ATMIN: variants seen among roughly 807,000 people sequenced by gnomAD.
ATMIN encodes ATM INteracting protein.
A neutral mutation model predicts 49.2 loss-of-function variants in ATMIN; 24 were observed. That is an observed-to-expected ratio of 0.49 (90% confidence interval 0.35 to 0.69). The LOEUF is 0.69. Ranked by LOEUF, ATMIN falls within the 30% of genes least tolerant of loss-of-function variation. The pLI is 0.00. For missense variants in ATMIN, 1,037 were observed against 1,005.5 expected (o/e 1.03, Z -0.42); for synonymous variants, 450 against 392.5 (o/e 1.15, Z -1.73).
rs772143735 is a variant in ATMIN, at chr16:81,043,757, C to A, written c.1259C>A (p.Ala420Asp). 6.2e-7 allele frequency: 1 copy of A among 1,614,232 alleles called. No individual in the cohort carries two copies. Among genetic ancestry groups the A allele is most frequent in the Admixed American group, 1.7e-5 (1 of 60,024 alleles). ...SINVQTDLSY[A>D]SQNFIPSAQW... ...AACGTGCAGACAGATCTGTCTTATGCCTCACAAAACTTTATACCTTCTGCA... is the reference window on the plus strand; with the variant it reads ...AACGTGCAGACAGATCTGTCTTATGACTCACAAAACTTTATACCTTCTGCA... Residue 420 changes from alanine to aspartate, a missense_variant, in exon 4 of 4, where the codon GCC becomes GAC. By Grantham distance (126) the Ala-to-Asp change is moderately radical. Transcript: ENST00000299575.
chr16:81,043,687 C>A lies in ATMIN; in HGVS notation c.1189C>A (p.Gln397Lys), dbSNP rs563397275. 6.2e-7 allele frequency: 1 copy of A among 1,614,188 alleles called. No individual in the cohort carries two copies. The highest frequency in any genetic ancestry group is 2.2e-5 in the East Asian group (1 of 44,890). ...NFGKSPSNPLQELGNTCQKNS... is the reference protein window; with the variant it reads ...NFGKSPSNPLKELGNTCQKNS... Reference sequence around the variant, plus strand: ...TGGTAAAAGTCCATCTAATCCTTTACAAGAACTAGGGAACACGTGTCAAAA... The same window carrying A: ...TGGTAAAAGTCCATCTAATCCTTTAAAAGAACTAGGGAACACGTGTCAAAA... The change falls in exon 4 of 4, where the codon CAA becomes AAA. Residue 397 changes from glutamine to lysine, a missense_variant. Gln to Lys is a moderately conservative substitution (Grantham distance 53). Transcript: ENST00000299575.
rs780635569 is a variant in ATMIN, at chr16:81,043,190, A to G, written c.692A>G (p.Glu231Gly). The G allele has an allele frequency of 1.2e-6, 2 of 1,606,986 alleles. No individual in the cohort carries two copies. Among genetic ancestry groups the G allele is most frequent in the East Asian group, 2.2e-5 (1 of 44,840 alleles). ...RDPPSKKRKM[E>G]NCAQNQKLSN... ...CCACCTAGTAAGAAAAGGAAAATGG[A>G]AAACTGTGCACAAAACCAGAAGTTA... is the stretch of plus-strand genomic sequence containing the variant. Residue 231 changes from glutamate to glycine, a missense_variant, in exon 4 of 4, where the codon GAA (glutamate) becomes GGA (glycine). Transcript: ENST00000299575.
intron 2 of ATMIN, 41 bp from the exon 3 acceptor site, chr16:81,042,240 G>C: frequency 6.4e-7 from 1 of 1,573,764 alleles, no homozygotes; most frequent in Non-Finnish European, 8.7e-7. Context: ...GTTTTGACCA[G>C]TTGCTGTTTT....
rs780925334 is a variant in ATMIN, at chr16:81,043,965, C to T, written c.1467C>T (p.Val489=). 8.7e-6 allele frequency: 14 copies of T among 1,614,034 alleles called. No homozygotes were observed. In the African/African-American group the frequency reaches 1.1e-4, roughly 12 times the overall value. ...ACACCTGTTTCCAGTCAGGTGGGGT[C>T]TCCAGAGAAACTCAAACCAGTGGGA... ...FMDTCFQSGG[V]SRETQTSGIE... Residue 489 remains valine, a synonymous_variant, in exon 4 of 4, where the codon GTC becomes GTT. Transcript: ENST00000299575.
At position 81,035,854 on chromosome 16, in the gene ATMIN, G is replaced by C. The variant is rs1249617980; in HGVS notation, c.-17G>C. On this transcript the variant is annotated 5_prime_UTR_variant, in exon 1 of 4. Transcript: ENST00000299575. ...GGGCGGGGCCTACGAACTGGGCCGG[G>C]CGGCCGTGCGGGAGCCATGGCGGCC... 1 of 813,274 alleles carries C rather than the reference G, an allele frequency of 1.2e-6. No individual in the cohort carries two copies. The highest frequency in any genetic ancestry group is 6.3e-5 in the Admixed American group (1 of 15,814). The allele number at this position is 813,274 out of a possible 1,614,324, so 50.4% of individuals were successfully genotyped here. A position where few individuals can be genotyped will look rare whatever the true frequency, so the allele number is the denominator to read the frequency against.
Position 81,035,919 on chromosome 16 carries a change from G to A in ATMIN, c.49G>A (p.Ala17Thr). ...AAAAGSAALA[A>T]GARAVPAATT... ...GGCGGCGGGGTCCGCGGCTCTGGCG[G>A]CGGGTGCCCGGGCCGTCCCGGCGGC... is the stretch of plus-strand genomic sequence containing the variant. Residue 17 changes from alanine to threonine, a missense_variant, in exon 1 of 4, where the codon GCG becomes ACG. Physicochemically the swap from Ala to Thr is moderately conservative, Grantham distance 58. Coordinates refer to ENST00000299575, the MANE Select transcript of ATMIN (RefSeq NM_015251.3). 2 of 988,766 alleles carry A rather than the reference G, an allele frequency of 2.0e-6. No homozygotes were observed. Among genetic ancestry groups the A allele is most frequent in the Non-Finnish European group, 2.4e-6 (2 of 833,504 alleles). The allele number at this position is 988,766 out of a possible 1,614,324, so 61.2% of individuals were successfully genotyped here. A position where few individuals can be genotyped will look rare whatever the true frequency, so the allele number is the denominator to read the frequency against.
Position 81,036,140 on chromosome 16 carries a change from C to T in ATMIN, c.270C>T (p.Gly90=). 1 of 1,466,142 alleles carries T rather than the reference C, an allele frequency of 6.8e-7. No individual in the cohort carries two copies. The highest frequency in any genetic ancestry group is 9.1e-7 in the Non-Finnish European group (1 of 1,101,326). The allele number at this position is 1,466,142 out of a possible 1,614,324, so 90.8% of individuals were successfully genotyped here. ...VRTNILCTVR[G]CGKILPNSPA... ...CCAACATCCTGTGCACCGTGCGCGG[C>T]TGCGGCAAGATCCTGCCCAACAGCC... Residue 90 remains glycine (G), a synonymous_variant, in exon 1 of 4, where the codon GGC becomes GGT. Coordinates refer to ENST00000299575, the MANE Select transcript of ATMIN (RefSeq NM_015251.3).
In ATMIN at chr16:81,044,380, C is replaced by A. The variant is rs1424757329; in HGVS notation, c.1882C>A (p.Pro628Thr). The part of the protein sequence containing the change: ...PGPDTQLPSG[P>T]AQNPGIDFDI... ...ACCTGACACCCAGCTCCCATCTGGC[C>A]CAGCCCAGAACCCCGGAATCGATTT... The change falls in exon 4 of 4, where the codon CCA becomes ACA. Residue 628 changes from proline (P) to threonine (T), a missense_variant. Coordinates refer to ENST00000299575, the MANE Select transcript of ATMIN (RefSeq NM_015251.3). 1.2e-6 allele frequency: 2 copies of A among 1,614,040 alleles called. No homozygotes were observed. Among genetic ancestry groups the A allele is most frequent in the Non-Finnish European group, 1.7e-6 (2 of 1,179,992 alleles).
intron 1 of ATMIN, among the ~76,000 whole-genome samples, chr16:81,037,657 A>G (rs1283901433): frequency 6.6e-6 from 1 of 151,942 alleles, no homozygotes; most frequent in Non-Finnish European, 1.5e-5. Flanking sequence ...TGTTTTTGAG[A>G]CAGAGTCTCA....
At position 81,043,221 on chromosome 16, in the gene ATMIN, C is replaced by T; in HGVS notation, c.723C>T (p.Asn241=). The T allele has an allele frequency of 6.2e-7, 1 of 1,613,910 alleles. No homozygotes were observed. The highest frequency in any genetic ancestry group is 1.7e-5 in the Admixed American group (1 of 59,964). Residue 241 remains asparagine (N), a synonymous_variant, in exon 4 of 4, where the codon AAC becomes AAT. Coordinates refer to ENST00000299575, the MANE Select transcript of ATMIN (RefSeq NM_015251.3). ...GTGCACAAAACCAGAAGTTATCCAA[C>T]AAGACCATTGAATCATTGAACAACC... is the stretch of plus-strand genomic sequence containing the variant. ...ENCAQNQKLS[N]KTIESLNNQP...
At chr16:81,037,584 T>C (rs1482983187) in intron 1 of ATMIN, 1 of 767,892 alleles carries the variant, frequency 1.3e-6, no homozygotes, top group East Asian at 1.3e-4. Flanking sequence ...ACCTGTTGTT[T>C]TGTTTTCATA....
intron 1 of ATMIN, chr16:81,037,558 C>A: frequency 1.1e-6 from 1 of 895,706 alleles, no homozygotes; most frequent in Middle Eastern, 5.7e-4. Context: ...AAGTGTAACT[C>A]TGGGAATGGC....
Position 81,044,168 on chromosome 16 carries a change from A to G in ATMIN, c.1670A>G (p.Gln557Arg). ...LPQNEPKTLN[Q>R]DIEKSAPIIN... ...CAGAATGAGCCTAAGACTTTAAATC[A>G]AGATATTGAGAAATCTGCACCAATT... Residue 557 changes from glutamine (Q) to arginine (R), a missense_variant, in exon 4 of 4, where the codon CAA (glutamine) becomes CGA (arginine). Physicochemically the swap from Gln to Arg is conservative, Grantham distance 43 (BLOSUM62 1). Transcript: ENST00000299575. The G allele has an allele frequency of 1.2e-6, 2 of 1,614,226 alleles. No individual in the cohort carries two copies. Among genetic ancestry groups the G allele is most frequent in the South Asian group, 2.2e-5 (2 of 91,088 alleles).
In ATMIN at chr16:81,045,738, G is replaced by A. The variant is rs946989900; in HGVS notation, c.*768G>A. On this transcript the variant is annotated 3_prime_UTR_variant, in exon 4 of 4. Coordinates refer to ENST00000299575, the MANE Select transcript of ATMIN (RefSeq NM_015251.3). ...TACCCCTGTAATCCCAGCACTTTGG[G>A]AGGCCAAAGCAGGACGATCACTTGA... 6.6e-6 allele frequency: 1 copy of A among 152,314 alleles called. No homozygotes were observed. The highest frequency in any genetic ancestry group is 2.1e-4 in the South Asian group (1 of 4,820). 9.4% of individuals were successfully genotyped at this position (152,314 alleles called of 1,614,324 possible). A position where few individuals can be genotyped will look rare whatever the true frequency, so the allele number is the denominator to read the frequency against.
chr16:81,044,165 A>T lies in ATMIN; in HGVS notation c.1667A>T (p.Asn556Ile). The T allele has an allele frequency of 6.2e-7, 1 of 1,614,202 alleles. No homozygotes were observed. The highest frequency in any genetic ancestry group is 8.5e-7 in the Non-Finnish European group (1 of 1,180,022). The change falls in exon 4 of 4, where the codon AAT (asparagine) becomes ATT (isoleucine). Residue 556 changes from asparagine (N) to isoleucine (I), a missense_variant. Transcript: ENST00000299575. The part of the protein sequence containing the change: ...LLPQNEPKTL[N>I]QDIEKSAPII... ...CCTCAGAATGAGCCTAAGACTTTAA[A>T]TCAAGATATTGAGAAATCTGCACCA... is the stretch of plus-strand genomic sequence containing the variant.
Position 81,043,182 on chromosome 16 carries a change from G to A in ATMIN, c.684G>A (p.Arg228=), listed in dbSNP as rs764505472. The A allele has an allele frequency of 8.1e-6, 13 of 1,601,992 alleles. No homozygotes were observed. The highest frequency in any genetic ancestry group is 1.0e-5 in the Non-Finnish European group (12 of 1,176,912). Residue 228 remains arginine (R), a synonymous_variant, in exon 4 of 4, where the codon AGG becomes AGA. Transcript: ENST00000299575. ...TCAGGGACCCACCTAGTAAGAAAAG[G>A]AAAATGGAAAACTGTGCACAAAACC... ...AEHRDPPSKK[R]KMENCAQNQK... is the part of the protein sequence containing the mutation.
At position 81,042,259 on chromosome 16, in the gene ATMIN, G is replaced by C. The variant is rs201048365; in HGVS notation, c.463-22G>C. 14 of 1,610,796 alleles carry C rather than the reference G, an allele frequency of 8.7e-6. No individual in the cohort carries two copies. In the East Asian group the frequency reaches 2.5e-4, roughly 28 times the overall value. On this transcript the variant is annotated intron_variant, in intron 2 of 3. Coordinates refer to ENST00000299575, the MANE Select transcript of ATMIN (RefSeq NM_015251.3). ...TGACCAGTTGCTGTTTTTCACCTTA[G>C]TCCCTTCTGCGTTCCTCCTAGCACT...
At chr16:81,041,515 T>C (rs757305129) in intron 2 of ATMIN, 34 bp downstream of exon 2, 9 of 1,581,214 alleles carry the variant, frequency 5.7e-6, no homozygotes, top group Middle Eastern at 1.7e-4. Flanking sequence ...ATACAGATGC[T>C]AAAAACCTAT....
At chr16:81,039,053 C>T (rs1413952621) in intron 1 of ATMIN, among the ~76,000 whole-genome samples, 4 of 152,172 alleles carry the variant, frequency 2.6e-5, no homozygotes, top group African/African-American at 7.2e-5. Context: ...GCTTCAGCCT[C>T]CCAAAGTACT....
Sources: gnomAD v4.1 joint callset for allele counts (sites outside exome capture counted in the v4.1 genomes callset) on GRCh38, gnomAD v4.1.1 for gene constraint, MANE v1.5 for transcripts, NCBI Gene and HGNC (gene_info 2026-07-23, HGNC 2026-07-21) for gene names.